The following KCNH7 variants were observed in gnomAD, a reference collection of about 807,000 sequenced individuals.
The protein encoded by KCNH7 is voltage-gated inwardly rectifying potassium channel KCNH7.
A neutral mutation model predicts 120.8 loss-of-function variants in KCNH7; 49 were observed. That is an observed-to-expected ratio of 0.41 (90% CI 0.32 to 0.51). The LOEUF is 0.51. KCNH7 is among the 20% of genes least tolerant of loss of function. The pLI, the probability that KCNH7 is intolerant of heterozygous loss-of-function variation, is 0.38. For synonymous variants in KCNH7, 547 were observed against 516.1 expected, an observed-to-expected ratio of 1.06 and a Z score of -0.81; for missense variants, 1,097 against 1,446.6, an observed-to-expected ratio of 0.76 and a Z score of 3.92.
chr2:162,611,595 A>C (rs1682964395), intron 2 of KCNH7, among the ~76,000 whole-genome samples: 1 of 152,248 alleles, frequency 6.6e-6, no homozygotes, highest in Non-Finnish European at 1.5e-5. Context: ...TTAGGTGTTA[A>C]GTTACTGTTC....
intron 2 of KCNH7, among the ~76,000 whole-genome samples, chr2:162,725,090 G>T (rs13388437): frequency 0.27 from 41,144 of 151,956 alleles, 8,121 homozygotes; most frequent in East Asian, 0.54. Flanking sequence ...TCAATTCAAT[G>T]GTGTTTAGAA....
chr2:162,410,147 G>C (rs1000610460), intron 9 of KCNH7, among the ~76,000 whole-genome samples: 4 of 151,910 alleles, frequency 2.6e-5, no homozygotes, highest in African/African-American at 9.7e-5. Context: ...AAAGAACAAA[G>C]CTGGAGCCAT....
chr2:162,662,632 C>G (rs1037520242), intron 2 of KCNH7, among the ~76,000 whole-genome samples: 4 of 152,202 alleles, frequency 2.6e-5, no homozygotes, highest in Admixed American at 2.6e-4. Flanking sequence ...TATAAAAGCT[C>G]TCTCTTTACA....
chr2:162,577,368 T>TCCATC (rs572402892), intron 2 of KCNH7, among the ~76,000 whole-genome samples: 2 of 145,186 alleles, frequency 1.4e-5, no homozygotes, highest in African/African-American at 5.2e-5. Flanking sequence ...TATCTATCTA[T>TCCATC]CTATCTATCT....
intron 2 of KCNH7, among the ~76,000 whole-genome samples, chr2:162,632,944 C>A (rs1683822291): frequency 6.6e-6 from 1 of 151,394 alleles, no homozygotes; most frequent in Non-Finnish European, 1.5e-5. Context: ...ATGCAAGACC[C>A]AGAAGTGGGA....
chr2:162,561,077 ATGT>A (rs1693047412), intron 2 of KCNH7, among the ~76,000 whole-genome samples: 1 of 151,484 alleles, frequency 6.6e-6, no homozygotes, highest in Non-Finnish European at 1.5e-5. Flanking sequence ...CTATCTGGAA[ATGT>A]TGTTTTTACT....
intron 5 of KCNH7, among the ~76,000 whole-genome samples, chr2:162,509,765 T>C (rs765704209): frequency 5.5e-4 from 83 of 151,670 alleles, no homozygotes; most frequent in Non-Finnish European, 1.0e-3. Flanking sequence ...TTTATTTCAT[T>C]TATGAGTCAT....
chr2:162,529,849 A>C lies in KCNH7; in HGVS notation c.463+7076T>G, dbSNP rs1407693890. Among the ~76,000 whole-genome samples the C allele has an allele frequency of 2.6e-5, 4 of 151,906 alleles. No individual in the cohort carries two copies. In the East Asian group the frequency reaches 5.9e-4, roughly 22 times the overall value. The stretch of plus-strand genomic sequence containing the variant: ...CTGCAAACTTTTTACAGAAGACTTC[A>C]GTGAGAAAGTGTTCAATTTCATCTT... On this transcript the variant is annotated intron_variant, in intron 3 of 15. Coordinates refer to ENST00000332142, the MANE Select transcript of KCNH7 (RefSeq NM_033272.4).
At chr2:162,574,405 A>T (rs761344516) in intron 2 of KCNH7, among the ~76,000 whole-genome samples, 5 of 151,984 alleles carry the variant, frequency 3.3e-5, no homozygotes, top group Non-Finnish European at 7.4e-5. Flanking sequence ...TTTGTAAAAA[A>T]AAAAAGAGAA....
At chr2:162,486,492 T>A (rs1447059395) in intron 6 of KCNH7, among the ~76,000 whole-genome samples, 1 of 152,218 alleles carries the variant, frequency 6.6e-6, no homozygotes, top group Non-Finnish European at 1.5e-5. Flanking sequence ...ATATGTGGCA[T>A]TTCTTTAGTT....
intron 2 of KCNH7, among the ~76,000 whole-genome samples, chr2:162,736,046 T>C (rs1295031028): frequency 6.6e-6 from 1 of 152,178 alleles, no homozygotes; most frequent in Non-Finnish European, 1.5e-5. Flanking sequence ...ATGTTGATGA[T>C]GAATAATAAT....
At chr2:162,766,592 G>C (rs895594543) in intron 2 of KCNH7, among the ~76,000 whole-genome samples, 1 of 152,092 alleles carries the variant, frequency 6.6e-6, no homozygotes, top group South Asian at 2.1e-4. Flanking sequence ...ATTTATTTTA[G>C]TCGTCGTTTT....
chr2:162,813,346 G>A (rs550978170), intron 2 of KCNH7, among the ~76,000 whole-genome samples: 1 of 152,058 alleles, frequency 6.6e-6, no homozygotes. Flanking sequence ...TACATTCCTC[G>A]ATCAGGTACA....
intron 6 of KCNH7, among the ~76,000 whole-genome samples, chr2:162,454,924 T>C (rs1573978298): frequency 6.6e-6 from 1 of 152,100 alleles, no homozygotes; most frequent in Non-Finnish European, 1.5e-5. Context: ...TTGAATACGC[T>C]TTATTTCTTT....
intron 2 of KCNH7, among the ~76,000 whole-genome samples, chr2:162,684,976 A>G (rs937259819): frequency 6.6e-6 from 1 of 152,200 alleles, no homozygotes; most frequent in African/African-American, 2.4e-5. Flanking sequence ...AGACTGGATA[A>G]AGAAAATGCG....
chr2:162,687,270 C>G (rs1220297439), intron 2 of KCNH7, among the ~76,000 whole-genome samples: 1 of 152,102 alleles, frequency 6.6e-6, no homozygotes, highest in Non-Finnish European at 1.5e-5. Flanking sequence ...CCTGCTGGAC[C>G]TGGCTTACAG....
intron 2 of KCNH7, among the ~76,000 whole-genome samples, chr2:162,818,306 T>C (rs769176291): frequency 6.6e-6 from 1 of 152,060 alleles, no homozygotes; most frequent in Non-Finnish European, 1.5e-5. Context: ...CAGGGGTCAA[T>C]ATTTATTTAT....
At chr2:162,566,420 T>C (rs1363177307) in intron 2 of KCNH7, among the ~76,000 whole-genome samples, 2 of 152,066 alleles carry the variant, frequency 1.3e-5, no homozygotes, top group Non-Finnish European at 2.9e-5. Flanking sequence ...AATGTTAGAA[T>C]GAGACTGAGC....
At chr2:162,687,238 A>G (rs1685927650) in intron 2 of KCNH7, among the ~76,000 whole-genome samples, 1 of 152,030 alleles carries the variant, frequency 6.6e-6, no homozygotes, top group African/African-American at 2.4e-5. Flanking sequence ...AGTCATGGAG[A>G]AAATGTGCTC....
Sources: gnomAD v4.1 joint callset for allele counts (sites outside exome capture counted in the v4.1 genomes callset) on GRCh38, gnomAD v4.1.1 for gene constraint, MANE v1.5 for transcripts, NCBI Gene and HGNC (gene_info 2026-07-23, HGNC 2026-07-21) for gene names.